DDX60L: variants seen among roughly 807,000 people sequenced by gnomAD.
The protein encoded by DDX60L is DExD/H-box 60 like.
A neutral mutation model predicts 211.6 loss-of-function variants in DDX60L; 191 were observed. The ratio of observed to expected loss-of-function variants is 0.90; its 90% CI spans 0.80 to 1.02. The LOEUF (loss-of-function observed/expected upper bound fraction) is 1.02, where lower values mean the gene tolerates loss of function less well. Among genes scored for constraint, DDX60L ranks in the 50% least tolerant of loss-of-function variants. The pLI is 0.00. For missense variants in DDX60L, 2,007 were observed against 1,984.1 expected (o/e 1.01, Z -0.22); for synonymous variants, 706 against 694.1 (o/e 1.02, Z -0.27).
intron 17 of DDX60L, among the ~76,000 whole-genome samples, chr4:168,420,761 A>G (rs2634974): frequency 0.52 from 78,744 of 151,688 alleles, 21,116 homozygotes; most frequent in African/African-American, 0.63. Flanking sequence ...TCTATTGAAT[A>G]TCTGGTTCAT....
At chr4:168,396,942 T>C (rs574814771) in intron 26 of DDX60L, among the ~76,000 whole-genome samples, 1 of 152,324 alleles carries the variant, frequency 6.6e-6, no homozygotes, top group Admixed American at 6.5e-5. Flanking sequence ...AATTCATATG[T>C]TGAAATCCTA....
At chr4:168,391,268 C>T (rs1399677847) in intron 29 of DDX60L, among the ~76,000 whole-genome samples, 1 of 152,152 alleles carries the variant, frequency 6.6e-6, no homozygotes, top group African/African-American at 2.4e-5. Context: ...AACAGCTGTA[C>T]ATTTCTCAAG....
intron 35 of DDX60L, among the ~76,000 whole-genome samples, chr4:168,373,005 T>C (rs1335552325): frequency 6.6e-6 from 1 of 152,178 alleles, no homozygotes; most frequent in Non-Finnish European, 1.5e-5. Flanking sequence ...ATTAAAATTT[T>C]GGTTAACAAA....
chr4:168,430,201 G>GAAAAGA (rs1035062154), intron 13 of DDX60L, among the ~76,000 whole-genome samples: 3 of 151,916 alleles, frequency 2.0e-5, no homozygotes, highest in African/African-American at 2.4e-5. Flanking sequence ...CTCCATCTCA[G>GAAAAGA]AAAAGAAAAA....
intron 13 of DDX60L, among the ~76,000 whole-genome samples, chr4:168,429,485 T>C (rs1367336294): frequency 6.6e-6 from 1 of 152,250 alleles, no homozygotes; most frequent in East Asian, 1.9e-4. Context: ...TTGACTTTTC[T>C]AAATCCAAGC....
At chr4:168,458,943 C>T (rs1486301231) in intron 5 of DDX60L, among the ~76,000 whole-genome samples, 3 of 152,020 alleles carry the variant, frequency 2.0e-5, no homozygotes, top group Admixed American at 6.6e-5. Flanking sequence ...TCCTCTTTGA[C>T]AAATTAATTT....
intron 4 of DDX60L, 108 bp downstream of exon 4, chr4:168,471,639 A>G (rs935218386): frequency 4.6e-6 from 4 of 866,646 alleles, no homozygotes; most frequent in African/African-American, 1.8e-5. Context: ...CTGTCTTTTT[A>G]TATTTTCTAT....
At position 168,412,730 on chromosome 4, in the gene DDX60L, T is replaced by C. The variant is rs144564286; in HGVS notation, c.2979+2678A>G. 6.0e-4 allele frequency among the ~76,000 whole-genome samples: 92 copies of C among 152,342 alleles called. No individual in the cohort carries two copies. The East Asian group carries it at 0.014, about 23-fold the overall frequency. ...GTGAGCCTAGGGCAATACCTAGTGCTGTGCTTGATTCCATTCTAACCCAGT... is the reference window on the plus strand; with the variant it reads ...GTGAGCCTAGGGCAATACCTAGTGCCGTGCTTGATTCCATTCTAACCCAGT... On this transcript the variant is annotated intron_variant, in intron 22 of 37. Coordinates refer to ENST00000682922, the MANE Select transcript of DDX60L (RefSeq NM_001012967.3).
intron 8 of DDX60L, among the ~76,000 whole-genome samples, chr4:168,451,084 A>T (rs182937955): frequency 7.3e-4 from 111 of 152,288 alleles, no homozygotes; most frequent in African/African-American, 2.4e-3. Flanking sequence ...ATATTCTCCC[A>T]GATTTTCTAC....
intron 36 of DDX60L, among the ~76,000 whole-genome samples, chr4:168,365,427 G>A (rs1371849698): frequency 6.6e-6 from 1 of 151,682 alleles, no homozygotes; most frequent in Admixed American, 6.6e-5. Flanking sequence ...GGGAGAAATG[G>A]CTAAGTTCCT....
chr4:168,433,602 A>T (rs1752651251), intron 10 of DDX60L, among the ~76,000 whole-genome samples: 1 of 152,208 alleles, frequency 6.6e-6, no homozygotes, highest in Admixed American at 6.5e-5. Flanking sequence ...GTTCCTATGT[A>T]TGGTTTACAT....
At chr4:168,369,490 A>AC (rs1194860100) in intron 36 of DDX60L, among the ~76,000 whole-genome samples, 1 of 151,590 alleles carries the variant, frequency 6.6e-6, no homozygotes, top group Non-Finnish European at 1.5e-5. Context: ...AAACAAAAAA[A>AC]AAAAAACAGC....
intron 6 of DDX60L, among the ~76,000 whole-genome samples, chr4:168,457,649 T>A (rs537762494): frequency 1.3e-5 from 2 of 152,238 alleles, no homozygotes; most frequent in East Asian, 3.9e-4. Flanking sequence ...GTACTACAAT[T>A]TTCTAGTTTC....
Position 168,422,573 on chromosome 4 carries a change from C to A in DDX60L, c.2195G>T (p.Arg732Ile). 1 of 1,613,268 alleles carries A rather than the reference C, an allele frequency of 6.2e-7. No homozygotes were observed. Among genetic ancestry groups the A allele is most frequent in the Non-Finnish European group, 8.5e-7 (1 of 1,179,674 alleles). ...YMGHYLIRDE[R>I]KDRDPRVQDF... Reference sequence around the variant, plus strand: ...CTGGACCCTGGGATCCCGATCTTTTCTTTCATCTCTTATCAAGTAATGGCC... The same window carrying A: ...CTGGACCCTGGGATCCCGATCTTTTATTTCATCTCTTATCAAGTAATGGCC... Residue 732 changes from arginine to isoleucine, a missense_variant, in exon 16 of 38, where the codon AGA (arginine) becomes ATA (isoleucine). By Grantham distance (97) the Arg-to-Ile change is moderately conservative. Coordinates refer to ENST00000682922, the MANE Select transcript of DDX60L (RefSeq NM_001012967.3).
intron 4 of DDX60L, among the ~76,000 whole-genome samples, chr4:168,467,023 G>A (rs1758078828): frequency 6.6e-6 from 1 of 152,112 alleles, no homozygotes. Context: ...CCTTAAGACA[G>A]GAATCAAGCT....
chr4:168,408,474 A>T (rs1045280421), intron 22 of DDX60L, among the ~76,000 whole-genome samples: 3 of 152,216 alleles, frequency 2.0e-5, no homozygotes, highest in African/African-American at 7.2e-5. Context: ...ACATGTAATT[A>T]GCTGGTTTCT....
At chr4:168,448,419 T>A in intron 9 of DDX60L, among the ~76,000 whole-genome samples, 1 of 152,252 alleles carries the variant, frequency 6.6e-6, no homozygotes, top group Non-Finnish European at 1.5e-5. Flanking sequence ...ATAAAAAATA[T>A]AACTATTAAT....
At chr4:168,466,321 A>T (rs62333769) in intron 4 of DDX60L, among the ~76,000 whole-genome samples, 7 of 151,960 alleles carry the variant, frequency 4.6e-5, no homozygotes, top group South Asian at 2.1e-4. Context: ...AGAAGAGGGA[A>T]GACACAACTT....
intron 36 of DDX60L, among the ~76,000 whole-genome samples, chr4:168,362,596 C>A (rs1483978471): frequency 6.6e-6 from 1 of 152,188 alleles, no homozygotes; most frequent in African/African-American, 2.4e-5. Flanking sequence ...CAAAACCATA[C>A]CACCAACATC....
Sources: gnomAD v4.1 joint callset for allele counts (sites outside exome capture counted in the v4.1 genomes callset) on GRCh38, gnomAD v4.1.1 for gene constraint, MANE v1.5 for transcripts, NCBI Gene and HGNC (gene_info 2026-07-23, HGNC 2026-07-21) for gene names.